The following PITPNA variants were observed in gnomAD, a reference collection of about 807,000 sequenced individuals.
The protein encoded by PITPNA is phosphatidylinositol transfer protein alpha isoform.
In PITPNA, 13 loss-of-function variants were observed where a neutral mutation model predicts 50.3. The observed-to-expected ratio is 0.26, with a 90% CI of 0.17 to 0.41. The LOEUF (loss-of-function observed/expected upper bound fraction) is 0.41, where lower values mean the gene tolerates loss of function less well. PITPNA is among the 10% of genes least tolerant of loss of function. PITPNA has a pLI of 1.00. For missense variants in PITPNA, 207 were observed against 333.4 expected (o/e 0.62, Z 2.95); for synonymous variants, 120 against 119.6 (o/e 1.00, Z -0.02).
chr17:1,560,694 C>A (rs1179521204), intron 1 of PITPNA, among the ~76,000 whole-genome samples: 1 of 152,212 alleles, frequency 6.6e-6, no homozygotes, highest in Non-Finnish European at 1.5e-5. Flanking sequence ...ATGGGAAAAG[C>A]CTGTCAGTCT....
At chr17:1,526,236 C>T (rs943885494) in intron 10 of PITPNA, among the ~76,000 whole-genome samples, 1 of 152,230 alleles carries the variant, frequency 6.6e-6, no homozygotes, top group African/African-American at 2.4e-5. Context: ...GAAACATCAA[C>T]GAATCCACAT....
At chr17:1,542,771 G>A (rs1005603625) in intron 5 of PITPNA, among the ~76,000 whole-genome samples, 2 of 152,164 alleles carry the variant, frequency 1.3e-5, no homozygotes, top group East Asian at 1.9e-4. Context: ...GCAGGGCCTC[G>A]AGCCACTGTG....
At chr17:1,531,936 C>A (rs940681339) in intron 10 of PITPNA, among the ~76,000 whole-genome samples, 1 of 152,208 alleles carries the variant, frequency 6.6e-6, no homozygotes, top group Non-Finnish European at 1.5e-5. Context: ...ACATGTACCA[C>A]AATGAGGTGG....
chr17:1,525,825 C>T (rs1477408253), intron 10 of PITPNA, among the ~76,000 whole-genome samples: 1 of 152,178 alleles, frequency 6.6e-6, no homozygotes, highest in Non-Finnish European at 1.5e-5. Flanking sequence ...GCCAGCTTGT[C>T]ATATTTTTAA....
At chr17:1,551,789 C>A (rs1048909808) in intron 3 of PITPNA, among the ~76,000 whole-genome samples, 3 of 152,252 alleles carry the variant, frequency 2.0e-5, no homozygotes, top group African/African-American at 7.2e-5. Flanking sequence ...GGTGAGGAGA[C>A]TGAGTGATGG....
At chr17:1,529,445 C>G (rs892629598) in intron 10 of PITPNA, among the ~76,000 whole-genome samples, 1 of 150,648 alleles carries the variant, frequency 6.6e-6, no homozygotes, top group Non-Finnish European at 1.5e-5. Context: ...TTGCTAGAAC[C>G]TGGGAGGTGG....
intron 1 of PITPNA, among the ~76,000 whole-genome samples, chr17:1,560,988 C>T (rs532697828): frequency 2.6e-5 from 4 of 152,306 alleles, no homozygotes; most frequent in Non-Finnish European, 4.4e-5. Flanking sequence ...AAAGTGCGAT[C>T]GCTGACAAAG....
At chr17:1,545,632 C>A (rs58280862) in intron 4 of PITPNA, among the ~76,000 whole-genome samples, 43 of 152,250 alleles carry the variant, frequency 2.8e-4, no homozygotes, top group African/African-American at 1.0e-3. Flanking sequence ...AATTGGTTAG[C>A]GCATGGTGCT....
In PITPNA at chr17:1,551,048, G is replaced by T. The variant is rs8076233; in HGVS notation, c.197+1956C>A. On this transcript the variant is annotated intron_variant, in intron 3 of 11. Transcript: ENST00000313486. ...CGGGACCTGATGGGACACGAAGGGC[G>T]AGTGAGAGTATTGCGGGGCGGAGTC... Among the ~76,000 whole-genome samples, 5 of 122,446 alleles carry T rather than the reference G, an allele frequency of 4.1e-5. No homozygotes were observed. In the East Asian group the frequency reaches 1.4e-3, roughly 34 times the overall value. 80.3% of individuals were successfully genotyped at this position (122,446 alleles called of 152,430 possible). A position where few individuals can be genotyped will look rare whatever the true frequency, so the allele number is the denominator to read the frequency against.
chr17:1,541,492 A>T (rs1221245684), intron 6 of PITPNA, 74 bp downstream of exon 6: 8 of 1,051,356 alleles, frequency 7.6e-6, no homozygotes. Context: ...AGAGGACCCC[A>T]TGGTAGCCCT....
intron 7 of PITPNA, among the ~76,000 whole-genome samples, chr17:1,536,318 C>T (rs547371388): frequency 2.7e-5 from 4 of 146,690 alleles, no homozygotes; most frequent in Admixed American, 6.9e-5. Context: ...GAGGGAGTCT[C>T]GCTCTGTTGG....
In PITPNA at chr17:1,534,170, C is replaced by T. The variant is rs1311868108; in HGVS notation, c.697G>A (p.Asp233Asn). 2 of 1,613,900 alleles carry T rather than the reference C, an allele frequency of 1.2e-6. No individual in the cohort carries two copies. The highest frequency in any genetic ancestry group is 2.2e-5 in the East Asian group (1 of 44,874). Residue 233 changes from aspartate (D) to asparagine (N), a missense_variant, in exon 10 of 12, where the codon GAT (aspartate) becomes AAT (asparagine). Coordinates refer to ENST00000313486, the MANE Select transcript of PITPNA (RefSeq NM_006224.4). ...TCCATGGTCAGGTCAACCCACTTAT[C>T]GAGCCAACAGAACAGCTGCCTGTGG... ...NFHRQLFCWLDKWVDLTMDDI... is the reference protein window; with the variant it reads ...NFHRQLFCWLNKWVDLTMDDI...
chr17:1,528,705 C>G (rs909011917), intron 10 of PITPNA, among the ~76,000 whole-genome samples: 2 of 151,224 alleles, frequency 1.3e-5, no homozygotes, highest in African/African-American at 4.9e-5. Flanking sequence ...GCACTGCACT[C>G]TAGCCTAGGC....
chr17:1,530,426 A>G (rs181025277), intron 10 of PITPNA, among the ~76,000 whole-genome samples: 4 of 152,328 alleles, frequency 2.6e-5, no homozygotes, highest in Admixed American at 2.6e-4. Flanking sequence ...TTTTAGGGCG[A>G]AGAACTAATC....
intron 4 of PITPNA, among the ~76,000 whole-genome samples, chr17:1,545,487 C>A (rs957930394): frequency 2.0e-5 from 3 of 152,170 alleles, no homozygotes; most frequent in African/African-American, 7.2e-5. Context: ...TAAGATTCAA[C>A]ATATCCATTC....
At position 1,519,755 on chromosome 17, in the gene PITPNA, C is replaced by T. The variant is rs2075497676; in HGVS notation, c.*806G>A. 1 of 152,346 alleles carries T rather than the reference C, an allele frequency of 6.6e-6. No individual in the cohort carries two copies. The highest frequency in any genetic ancestry group is 6.6e-5 in the Admixed American group (1 of 15,252). The allele number at this position is 152,346 out of a possible 1,614,324, so 9.4% of individuals were successfully genotyped here. ...CAGACAGTTGGTATCTAGGGGGTGA[C>T]TCAATTCTAGGGGCCACACTGGACA... is the stretch of plus-strand genomic sequence containing the variant. On this transcript the variant is annotated 3_prime_UTR_variant, in exon 12 of 12. Transcript: ENST00000313486.
At chr17:1,547,585 G>C (rs1196665201) in intron 4 of PITPNA, among the ~76,000 whole-genome samples, 1 of 152,058 alleles carries the variant, frequency 6.6e-6, no homozygotes, top group Non-Finnish European at 1.5e-5. Flanking sequence ...AGGAGGCGGA[G>C]TTTGCAGTGA....
intron 3 of PITPNA, among the ~76,000 whole-genome samples, chr17:1,549,419 A>T (rs1400387044): frequency 1.4e-5 from 2 of 147,440 alleles, no homozygotes; most frequent in Admixed American, 6.7e-5. Flanking sequence ...CAGGTTCAAG[A>T]GATTCTCCTG....
At chr17:1,557,106 C>T (rs1202892343) in intron 2 of PITPNA, among the ~76,000 whole-genome samples, 1 of 152,196 alleles carries the variant, frequency 6.6e-6, no homozygotes, top group Non-Finnish European at 1.5e-5. Flanking sequence ...TTCCCTCATT[C>T]TCCCTGGTTC....
Sources: allele counts gnomAD v4.1 joint callset (sites outside exome capture counted in the v4.1 genomes callset), GRCh38; gene constraint gnomAD v4.1.1; transcripts MANE v1.5; gene names NCBI Gene and HGNC (gene_info 2026-07-23, HGNC 2026-07-21).